Variants in CNTN4 observed in about 807,000 individuals in gnomAD.
The protein encoded by CNTN4 is contactin 4.
In CNTN4, 77 loss-of-function variants were observed where a neutral mutation model predicts 122.5. The observed-to-expected ratio is 0.63, with a 90% CI of 0.52 to 0.76. CNTN4 has a LOEUF of 0.76. CNTN4 is among the 30% of genes least tolerant of loss of function. The probability of loss-of-function intolerance (pLI) is 0.00; values close to 1 mark genes in which losing one functional copy is unlikely to be tolerated. For missense variants in CNTN4, 1,256 were observed against 1,259.1 expected (o/e 1.00, Z 0.04); for synonymous variants, 512 against 447.0 (o/e 1.15, Z -1.83).
At chr3:2,870,290 C>T (rs1252915733) in intron 8 of CNTN4, among the ~76,000 whole-genome samples, 1 of 152,162 alleles carries the variant, frequency 6.6e-6, no homozygotes, top group Non-Finnish European at 1.5e-5. Flanking sequence ...ACAAAGTTAG[C>T]AGACTAAAGA....
At chr3:2,308,796 AT>A (rs2042811658) in intron 2 of CNTN4, among the ~76,000 whole-genome samples, 1 of 152,052 alleles carries the variant, frequency 6.6e-6, no homozygotes. Context: ...TTGTTGTATC[AT>A]TTTTTATATT....
At chr3:2,510,071 A>G (rs1484790161) in intron 3 of CNTN4, among the ~76,000 whole-genome samples, 3 of 152,248 alleles carry the variant, frequency 2.0e-5, no homozygotes, top group Non-Finnish European at 4.4e-5. Flanking sequence ...ACTGAGCATG[A>G]TGTTTCAAGT....
At chr3:2,767,657 A>G (rs2090921144) in intron 6 of CNTN4, among the ~76,000 whole-genome samples, 1 of 152,164 alleles carries the variant, frequency 6.6e-6, no homozygotes, top group Non-Finnish European at 1.5e-5. Context: ...AAAATGTTCT[A>G]CTTGAGCGTA....
At chr3:2,157,628 ATG>A (rs1435310507) in intron 2 of CNTN4, among the ~76,000 whole-genome samples, 1 of 152,198 alleles carries the variant, frequency 6.6e-6, no homozygotes, top group Non-Finnish European at 1.5e-5. Context: ...ATCTACAAAA[ATG>A]TGCTTTTGTG....
At chr3:2,874,065 A>T (rs2093816200) in intron 8 of CNTN4, among the ~76,000 whole-genome samples, 1 of 152,192 alleles carries the variant, frequency 6.6e-6, no homozygotes, top group South Asian at 2.1e-4. Flanking sequence ...ATTTTGCTAA[A>T]CTGCCATTGC....
At chr3:2,930,045 C>G (rs2094506168) in intron 13 of CNTN4, among the ~76,000 whole-genome samples, 1 of 152,178 alleles carries the variant, frequency 6.6e-6, no homozygotes, top group Admixed American at 6.5e-5. Flanking sequence ...CTTGCAACTT[C>G]CACTCATTTT....
At chr3:2,354,717 A>C (rs1214684284) in intron 3 of CNTN4, among the ~76,000 whole-genome samples, 1 of 151,894 alleles carries the variant, frequency 6.6e-6, no homozygotes, top group Non-Finnish European at 1.5e-5. Flanking sequence ...CTGGTATTGC[A>C]GAAAAAAAAA....
At chr3:2,476,443 G>A (rs116724609) in intron 3 of CNTN4, among the ~76,000 whole-genome samples, 411 of 152,300 alleles carry the variant, frequency 2.7e-3, no homozygotes, top group African/African-American at 9.5e-3. Flanking sequence ...GGTCATGTAT[G>A]TACTATGTTT....
At chr3:3,051,340 G>A (rs1701251199) in intron 23 of CNTN4, among the ~76,000 whole-genome samples, 1 of 152,120 alleles carries the variant, frequency 6.6e-6, no homozygotes, top group Admixed American at 6.6e-5. Context: ...TGTAAATAAA[G>A]GCTTTACAGG....
At chr3:2,195,535 T>G (rs559196777) in intron 2 of CNTN4, among the ~76,000 whole-genome samples, 16 of 152,244 alleles carry the variant, frequency 1.1e-4, no homozygotes, top group Non-Finnish European at 2.4e-4. Context: ...ATAACTGCTA[T>G]TCTGATGCAA....
intron 6 of CNTN4, among the ~76,000 whole-genome samples, chr3:2,762,960 T>TA (rs2090659186): frequency 1.1e-5 from 1 of 90,856 alleles, no homozygotes; most frequent in African/African-American, 3.4e-5. Flanking sequence ...TTTTTTTTTT[T>TA]AGACTGAGTC....
intron 7 of CNTN4, among the ~76,000 whole-genome samples, chr3:2,842,310 C>T (rs1270102322): frequency 2.0e-5 from 3 of 152,082 alleles, no homozygotes; most frequent in Non-Finnish European, 4.4e-5. Flanking sequence ...TTTGTGTTTC[C>T]CACTCAACCC....
At chr3:2,326,520 ACACAC>A (rs1158645312) in intron 2 of CNTN4, among the ~76,000 whole-genome samples, 7 of 53,506 alleles carry the variant, frequency 1.3e-4, no homozygotes, top group African/African-American at 3.1e-4. Flanking sequence ...ACACACACAC[ACACAC>A]ACAATCTTAC....
chr3:2,983,940 C>A (rs1405576629), intron 13 of CNTN4, among the ~76,000 whole-genome samples: 3 of 152,214 alleles, frequency 2.0e-5, no homozygotes, highest in Non-Finnish European at 4.4e-5. Flanking sequence ...ATCTCCCTCA[C>A]TGTCTTTCTC....
chr3:2,243,261 T>C (rs13316908), intron 2 of CNTN4, among the ~76,000 whole-genome samples: 2,797 of 152,268 alleles, frequency 0.018, 84 homozygotes, highest in African/African-American at 0.064. Flanking sequence ...CTTTACTTTG[T>C]AACTGTATGT....
At chr3:2,663,601 A>T (rs1278698388) in intron 4 of CNTN4, among the ~76,000 whole-genome samples, 1 of 152,212 alleles carries the variant, frequency 6.6e-6, no homozygotes, top group Non-Finnish European at 1.5e-5. Context: ...AGGAGAAAGA[A>T]AATCGAGGCA....
chr3:2,286,464 G>T (rs2041907609), intron 2 of CNTN4, among the ~76,000 whole-genome samples: 1 of 151,866 alleles, frequency 6.6e-6, no homozygotes, highest in East Asian at 2.0e-4. Context: ...CTACATGGTT[G>T]TTAAACAAGG....
At chr3:2,365,752 C>T (rs1242966720) in intron 3 of CNTN4, among the ~76,000 whole-genome samples, 1 of 151,992 alleles carries the variant, frequency 6.6e-6, no homozygotes, top group Non-Finnish European at 1.5e-5. Context: ...CCATGTTGTC[C>T]CTAAATACAG....
intron 14 of CNTN4, among the ~76,000 whole-genome samples, chr3:2,989,587 A>G (rs1694877965): frequency 6.6e-6 from 1 of 152,222 alleles, no homozygotes; most frequent in Admixed American, 6.5e-5. Flanking sequence ...TCTTTTTATC[A>G]TTAACATACT....
Sources: gnomAD v4.1 joint callset for allele counts (sites outside exome capture counted in the v4.1 genomes callset) on GRCh38, gnomAD v4.1.1 for gene constraint, MANE v1.5 for transcripts, NCBI Gene and HGNC (gene_info 2026-07-23, HGNC 2026-07-21) for gene names.